Variants in IL1R2 observed in about 807,000 individuals in gnomAD.
IL1R2 encodes the protein interleukin 1 receptor type 2, also known as interleukin-1 receptor type 2.
A neutral mutation model predicts 39.5 loss-of-function variants in IL1R2; 46 were observed. That is an observed-to-expected ratio of 1.16 (90% CI 0.92 to 1.49). The LOEUF (loss-of-function observed/expected upper bound fraction) is 1.49, where lower values mean the gene tolerates loss of function less well. IL1R2 is among the 40% of genes most tolerant of loss of function. IL1R2 has a pLI of 0.00. For missense variants in IL1R2, 537 were observed against 502.0 expected, an observed-to-expected ratio of 1.07 and a Z score of -0.67; for synonymous variants, 207 against 189.6, an observed-to-expected ratio of 1.09 and a Z score of -0.75.
At chr2:102,020,941 T>A (rs1161691477) in intron 5 of IL1R2, among the ~76,000 whole-genome samples, 1 of 152,112 alleles carries the variant, frequency 6.6e-6, no homozygotes, top group African/African-American at 2.4e-5. Context: ...ACCTACTGAT[T>A]GAAACTGGAG....
chr2:102,021,215 G>A (rs1677367509), intron 5 of IL1R2, among the ~76,000 whole-genome samples: 1 of 151,994 alleles, frequency 6.6e-6, no homozygotes, highest in Non-Finnish European at 1.5e-5. Flanking sequence ...AGGATGATGA[G>A]GCCCGTCGTG....
intron 7 of IL1R2, 32 bp downstream of exon 7, chr2:102,024,700 CTG>C (rs1213257067): frequency 6.2e-7 from 1 of 1,613,336 alleles, no homozygotes. Context: ...GTTGAGAACT[CTG>C]TGGGTTTCGC....
intron 3 of IL1R2, among the ~76,000 whole-genome samples, chr2:102,014,190 C>T (rs1676844514): frequency 6.6e-6 from 1 of 152,180 alleles, no homozygotes; most frequent in Admixed American, 6.5e-5. Context: ...TATGGGTTTT[C>T]CCAGAGCCTT....
Position 102,011,352 on chromosome 2 carries a change from C to T in IL1R2, c.332+1526C>T, listed in dbSNP as rs569595827. On this transcript the variant is annotated intron_variant, in intron 3 of 8. Coordinates refer to ENST00000332549, the MANE Select transcript of IL1R2 (RefSeq NM_004633.4). ...TGGCTGTACCATTTTTCATTCCCAA[C>T]AACAGTGCCGACACTCAATTTCTCT... Among the ~76,000 whole-genome samples the T allele has an allele frequency of 3.3e-5, 5 of 152,316 alleles. No homozygotes were observed. The East Asian group carries it at 9.6e-4, about 29-fold the overall frequency.
intron 6 of IL1R2, among the ~76,000 whole-genome samples, chr2:102,022,585 A>G (rs1161624648): frequency 6.6e-6 from 1 of 152,264 alleles, no homozygotes; most frequent in Non-Finnish European, 1.5e-5. Flanking sequence ...CCCCAGGCAG[A>G]GCCAGCACCC....
intron 1 of IL1R2, among the ~76,000 whole-genome samples, chr2:101,996,309 G>A (rs115853124): frequency 1.9e-3 from 288 of 152,174 alleles, no homozygotes; most frequent in Non-Finnish European, 3.5e-3. Context: ...AATGCAAATG[G>A]AACACTTGCC....
chr2:102,026,526 C>G (rs1277579591), intron 8 of IL1R2, among the ~76,000 whole-genome samples: 1 of 152,198 alleles, frequency 6.6e-6, no homozygotes, highest in Admixed American at 6.5e-5. Context: ...TCGAAATACT[C>G]TGTCTGCATG....
chr2:102,024,788 G>T, intron 7 of IL1R2, 120 bp downstream of exon 7: 1 of 1,220,514 alleles, frequency 8.2e-7, no homozygotes, highest in Non-Finnish European at 1.1e-6. Context: ...CCAAACTGTT[G>T]GATGTTTAGA....
rs538809523 is a variant in IL1R2 at position 102,017,948 on chromosome 2, A to ATAAT, written c.514-1689_514-1686dup. 4.1e-3 allele frequency among the ~76,000 whole-genome samples: 622 copies of ATAAT among 152,364 alleles called. 7 individuals are homozygous for ATAAT. The highest frequency in any genetic ancestry group is 0.014 in the African/African-American group (596 of 41,586). ...TTAATGAGAATTAACCCTTTAATTGATAATAGGTTAAGTAGTTGGCTGGTT... is the reference window on the plus strand; with the variant it reads ...TTAATGAGAATTAACCCTTTAATTGATAATTAATAGGTTAAGTAGTTGGCTGGTT... On this transcript the variant is annotated intron_variant, in intron 4 of 8. Coordinates refer to ENST00000332549, the MANE Select transcript of IL1R2 (RefSeq NM_004633.4).
At chr2:102,011,936 G>A (rs1183212529) in intron 3 of IL1R2, among the ~76,000 whole-genome samples, 1 of 152,162 alleles carries the variant, frequency 6.6e-6, no homozygotes, top group Non-Finnish European at 1.5e-5. Context: ...TGTTAGGTAA[G>A]GGTCCTGCTT....
intron 1 of IL1R2, among the ~76,000 whole-genome samples, chr2:101,994,751 G>C (rs1675510041): frequency 6.6e-6 from 1 of 152,230 alleles, no homozygotes; most frequent in Non-Finnish European, 1.5e-5. Context: ...AAGGCCTTGT[G>C]AATATGTGGC....
intron 1 of IL1R2, among the ~76,000 whole-genome samples, chr2:101,992,791 G>A (rs1215157390): frequency 5.3e-5 from 8 of 152,136 alleles, no homozygotes; most frequent in East Asian, 1.9e-4. Flanking sequence ...TCTGGGAGTC[G>A]GGACACCTGA....
At position 102,024,048 on chromosome 2, in the gene IL1R2, C is replaced by CAAAAAA. The variant is rs767273520; in HGVS notation, c.752-480_752-479insAAAAAA. 8.0e-4 allele frequency among the ~76,000 whole-genome samples: 112 copies of CAAAAAA among 139,898 alleles called. 2 individuals carry two copies. Among genetic ancestry groups the CAAAAAA allele is most frequent in the African/African-American group, 2.8e-3 (96 of 34,464 alleles). The allele number at this position is 139,898 out of a possible 152,430, so 91.8% of individuals were successfully genotyped here. A position where few individuals can be genotyped will look rare whatever the true frequency, so the allele number is the denominator to read the frequency against. On this transcript the variant is annotated intron_variant, in intron 6 of 8. Transcript: ENST00000332549. ...TGGGCGACAGAGCGAGACTCCATCT[C>CAAAAAA]AAAAACAAAACAAAACAAAACAAAA...
At chr2:102,018,102 C>T (rs192873143) in intron 4 of IL1R2, among the ~76,000 whole-genome samples, 53 of 152,276 alleles carry the variant, frequency 3.5e-4, no homozygotes, top group African/African-American at 1.2e-3. Context: ...CATTCTCTCT[C>T]TCTCTCTCTT....
intron 7 of IL1R2, 40 bp downstream of exon 7, chr2:102,024,708 T>G: frequency 6.2e-7 from 1 of 1,612,632 alleles, no homozygotes; most frequent in South Asian, 1.1e-5. Context: ...CTCTGTGGGT[T>G]TCGCTCTTCC....
chr2:102,023,998 G>A (rs540517584), intron 6 of IL1R2, among the ~76,000 whole-genome samples: 7 of 149,856 alleles, frequency 4.7e-5, no homozygotes, highest in African/African-American at 1.7e-4. Context: ...GCAGTGAGCC[G>A]AGATCGCCCC....
At chr2:102,003,506 C>A (rs1437416365) in intron 1 of IL1R2, among the ~76,000 whole-genome samples, 28 of 123,630 alleles carry the variant, frequency 2.3e-4, no homozygotes, top group Non-Finnish European at 1.4e-4. Flanking sequence ...GTGTCTTTGT[C>A]CCCTGTCTGT....
At chr2:102,021,958 G>C in intron 5 of IL1R2, 1 of 527,576 alleles carries the variant, frequency 1.9e-6, no homozygotes, top group South Asian at 2.2e-5. Context: ...TCAGCGGAAT[G>C]TGTGTTTGGC....
In IL1R2 at chr2:102,009,581, G is replaced by C. The variant is rs1195141447; in HGVS notation, c.87G>C (p.Arg29=). The C allele has an allele frequency of 2.5e-6, 4 of 1,614,046 alleles. No homozygotes were observed. In the Admixed American group the frequency reaches 6.7e-5, roughly 27 times the overall value. Residue 29 remains arginine (R), a synonymous_variant, in exon 3 of 9, where the codon CGG becomes CGC. Coordinates refer to ENST00000332549, the MANE Select transcript of IL1R2 (RefSeq NM_004633.4). ...AAHTGAARSC[R]FRGRHYKREF... is the part of the protein sequence containing the mutation. Reference sequence around the variant, plus strand: ...CTTCAGGGGCTGCCAGAAGCTGCCGGTTTCGTGGGAGGCATTACAAGCGGG... The same window carrying C: ...CTTCAGGGGCTGCCAGAAGCTGCCGCTTTCGTGGGAGGCATTACAAGCGGG...
Sources: gnomAD v4.1 joint callset for allele counts (sites outside exome capture counted in the v4.1 genomes callset) on GRCh38, gnomAD v4.1.1 for gene constraint, MANE v1.5 for transcripts, NCBI Gene and HGNC (gene_info 2026-07-23, HGNC 2026-07-21) for gene names.